LSAMP: variants seen among roughly 807,000 people sequenced by gnomAD.
LSAMP encodes the protein limbic system associated membrane protein.
Under a neutral mutation model 38.6 loss-of-function variants are expected in LSAMP, and 7 were observed. That is an observed-to-expected ratio of 0.18 (90% CI 0.10 to 0.34). The LOEUF (loss-of-function observed/expected upper bound fraction) is 0.34, where lower values mean the gene tolerates loss of function less well. Among genes scored for constraint, LSAMP ranks in the 10% least tolerant of loss-of-function variants. LSAMP has a pLI of 1.00. For synonymous variants in LSAMP, 154 were observed against 166.8 expected (o/e 0.92, Z 0.59); for missense variants, 313 against 420.0 (o/e 0.75, Z 2.23).
chr3:116,258,081 T>C (rs543447753), intron 1 of LSAMP, among the ~76,000 whole-genome samples: 1 of 152,224 alleles, frequency 6.6e-6, no homozygotes, highest in South Asian at 2.1e-4. Flanking sequence ...TTTTTACTTT[T>C]GACTGATTCT....
At chr3:115,952,457 T>A (rs1204671145) in intron 3 of LSAMP, among the ~76,000 whole-genome samples, 2 of 152,146 alleles carry the variant, frequency 1.3e-5, no homozygotes, top group Non-Finnish European at 1.5e-5. Flanking sequence ...CTAAGTGAAG[T>A]AACTCAGGAA....
chr3:115,956,099 A>T (rs1415414758), intron 3 of LSAMP, among the ~76,000 whole-genome samples: 1 of 152,034 alleles, frequency 6.6e-6, no homozygotes, highest in Non-Finnish European at 1.5e-5. Context: ...CTTCACCTAG[A>T]GACATACTAT....
chr3:116,172,692 T>G (rs532618896), intron 1 of LSAMP, among the ~76,000 whole-genome samples: 1 of 152,166 alleles, frequency 6.6e-6, no homozygotes, highest in African/African-American at 2.4e-5. Context: ...ATCATGTTGT[T>G]GAGAGGATGT....
chr3:116,116,588 A>G lies in LSAMP; in HGVS notation c.156-30032T>C, dbSNP rs886466528. ...AAAAACTAGCTGGGCGTGGTGGTGC[A>G]TGCCTGTATTCCCAGCTACTCAGGA... On this transcript the variant is annotated intron_variant, in intron 1 of 6. Coordinates refer to ENST00000490035, the MANE Select transcript of LSAMP (RefSeq NM_002338.5). Among the ~76,000 whole-genome samples, 34 of 151,394 alleles carry G rather than the reference A, an allele frequency of 2.2e-4. 1 individual carries two copies. The highest frequency in any genetic ancestry group is 1.8e-3 in the Admixed American group (28 of 15,164).
intron 2 of LSAMP, among the ~76,000 whole-genome samples, chr3:116,042,457 G>A (rs1335544586): frequency 6.9e-6 from 1 of 144,144 alleles, no homozygotes; most frequent in East Asian, 2.0e-4. Flanking sequence ...TTGAGACAGT[G>A]TCTTGCTCTG....
At chr3:116,232,390 T>TTAAAGTTGATATTCTTTAAATC (rs2046411096) in intron 1 of LSAMP, among the ~76,000 whole-genome samples, 2 of 152,344 alleles carry the variant, frequency 1.3e-5, no homozygotes, top group East Asian at 3.9e-4. Flanking sequence ...ATTTAAAGAT[T>TTAAAGTTGATATTCTTTAAATC]TAAAGTTGAT....
chr3:116,415,288 A>C (rs116571587), intron 1 of LSAMP, among the ~76,000 whole-genome samples: 2,137 of 152,222 alleles, frequency 0.014, 46 homozygotes, highest in Non-Finnish European at 0.018. Flanking sequence ...ATAAAAAATG[A>C]CAGAATAGTG....
chr3:116,170,882 CTG>C (rs1312542681), intron 1 of LSAMP, among the ~76,000 whole-genome samples: 1 of 152,084 alleles, frequency 6.6e-6, no homozygotes, highest in Non-Finnish European at 1.5e-5. Context: ...TTTGCTGTCT[CTG>C]TGGTTCCTGG....
chr3:116,108,868 G>A (rs1359432741), intron 1 of LSAMP, among the ~76,000 whole-genome samples: 1 of 152,146 alleles, frequency 6.6e-6, no homozygotes, highest in Admixed American at 6.5e-5. Context: ...ATGTGGCTGG[G>A]GTTTGTCTCA....
At chr3:115,919,394 A>G (rs1431582061) in intron 3 of LSAMP, among the ~76,000 whole-genome samples, 2 of 152,178 alleles carry the variant, frequency 1.3e-5, no homozygotes, top group African/African-American at 2.4e-5. Flanking sequence ...CAGCTGAGAA[A>G]GAGGGTATAA....
chr3:116,407,545 A>G (rs948397265), intron 1 of LSAMP, among the ~76,000 whole-genome samples: 2 of 152,054 alleles, frequency 1.3e-5, no homozygotes, highest in African/African-American at 2.4e-5. Context: ...TTATGTTAGG[A>G]AAAAGGTCTA....
At chr3:116,138,305 CATA>C (rs1320678620) in intron 1 of LSAMP, among the ~76,000 whole-genome samples, 2 of 152,062 alleles carry the variant, frequency 1.3e-5, no homozygotes, top group Non-Finnish European at 2.9e-5. Context: ...ACATATGAAA[CATA>C]ATTCATAATT....
chr3:116,444,806 ACACAAAC>A (rs2049484444), intron 1 of LSAMP, 64 bp downstream of exon 1: 6 of 1,523,914 alleles, frequency 3.9e-6, no homozygotes, highest in African/African-American at 1.5e-5. Context: ...ACACACACAC[ACACAAAC>A]ACACACACAC....
intron 3 of LSAMP, among the ~76,000 whole-genome samples, chr3:115,868,284 A>G (rs1252399354): frequency 2.0e-5 from 3 of 152,162 alleles, no homozygotes; most frequent in Non-Finnish European, 2.9e-5. Flanking sequence ...CTAGTTAGCC[A>G]TTGGTTAGAG....
chr3:116,167,740 C>T (rs895788587), intron 1 of LSAMP, among the ~76,000 whole-genome samples: 3 of 152,210 alleles, frequency 2.0e-5, no homozygotes, highest in African/African-American at 7.2e-5. Flanking sequence ...CTATTCTCAA[C>T]ACCTCTCAGC....
chr3:116,367,839 C>T (rs1357366394), intron 1 of LSAMP: 1 of 151,670 alleles, frequency 6.6e-6, no homozygotes, highest in African/African-American at 2.4e-5. Flanking sequence ...AAAAAACAAA[C>T]AAACGAACAA....
chr3:116,139,016 A>AT (rs764527971), intron 1 of LSAMP, among the ~76,000 whole-genome samples: 1 of 151,782 alleles, frequency 6.6e-6, no homozygotes, highest in Non-Finnish European at 1.5e-5. Flanking sequence ...CATATATAAT[A>AT]TATAATGCAT....
intron 1 of LSAMP, among the ~76,000 whole-genome samples, chr3:116,436,382 A>C (rs1413824773): frequency 6.6e-6 from 1 of 152,222 alleles, no homozygotes; most frequent in African/African-American, 2.4e-5. Flanking sequence ...TTTGCACAGC[A>C]AAAGGAACAG....
At chr3:116,097,747 T>C (rs35914238) in intron 1 of LSAMP, among the ~76,000 whole-genome samples, 36,685 of 151,678 alleles carry the variant, frequency 0.24, 5,226 homozygotes, top group African/African-American at 0.41. Context: ...TTTTTTTTTT[T>C]TCTTTTAGAC....
Sources: gnomAD v4.1 joint callset for allele counts (sites outside exome capture counted in the v4.1 genomes callset) on GRCh38, gnomAD v4.1.1 for gene constraint, MANE v1.5 for transcripts, NCBI Gene and HGNC (gene_info 2026-07-23, HGNC 2026-07-21) for gene names.